Variants in MTFP1 observed in about 807,000 individuals in gnomAD.
The protein encoded by MTFP1 is mitochondrial fission process 1, also known as mitochondrial fission process protein 1.
A neutral mutation model predicts 17.1 loss-of-function variants in MTFP1; 19 were observed. That is an observed-to-expected ratio of 1.11 (90% CI 0.77 to 1.63). MTFP1 has a LOEUF of 1.63. Ranked by LOEUF, MTFP1 falls within the 40% of genes most tolerant of loss-of-function variation. The pLI, the probability that MTFP1 is intolerant of heterozygous loss-of-function variation, is 0.00. For missense variants in MTFP1, 221 were observed against 226.2 expected, an observed-to-expected ratio of 0.98 and a Z score of 0.15; for synonymous variants, 89 against 95.2, an observed-to-expected ratio of 0.93 and a Z score of 0.38.
At position 30,427,350 on chromosome 22, in the gene MTFP1, C is replaced by G; in HGVS notation, c.375C>G (p.Thr125=). The part of the protein sequence containing the change: ...TRWPLAVRKW[T]TTALGLLTIP... ...GGCCCCTGGCTGTCCGCAAGTGGAC[C>G]ACCACCGCGCTTGGGCTGTTGACCA... The change falls in exon 3 of 4, where the codon ACC becomes ACG. Residue 125 remains threonine, a synonymous_variant. Transcript: ENST00000266263. 1 of 1,614,114 alleles carries G rather than the reference C, an allele frequency of 6.2e-7. No individual in the cohort carries two copies. Among genetic ancestry groups the G allele is most frequent in the Non-Finnish European group, 8.5e-7 (1 of 1,180,034 alleles).
intron 1 of MTFP1, 135 bp downstream of exon 1, chr22:30,426,081 G>A: frequency 1.1e-6 from 1 of 908,734 alleles, no homozygotes; most frequent in Non-Finnish European, 1.6e-6. Flanking sequence ...CGGAGACTGG[G>A]CTCAGACAGG....
intron 3 of MTFP1, among the ~76,000 whole-genome samples, chr22:30,428,058 A>G (rs996446803): frequency 6.6e-6 from 1 of 152,210 alleles, no homozygotes. Context: ...TCTGGACTGC[A>G]TGCCCACCCT....
intron 3 of MTFP1, 96 bp from the exon 4 acceptor site, chr22:30,428,366 C>T: frequency 2.9e-6 from 3 of 1,020,340 alleles, no homozygotes; most frequent in Non-Finnish European, 4.4e-6. Context: ...TTGTATCCTG[C>T]ATCTAAGCGC....
intron 1 of MTFP1, among the ~76,000 whole-genome samples, 159 bp from the exon 2 acceptor site, chr22:30,426,558 G>T (rs1053468098): frequency 8.5e-5 from 13 of 152,206 alleles, no homozygotes; most frequent in Admixed American, 7.2e-4. Context: ...GGGCATCATG[G>T]CACCAGTTTA....
In MTFP1 at chr22:30,428,684, C is replaced by T. The variant is rs1934713681; in HGVS notation, c.*150C>T. The T allele has an allele frequency of 6.2e-7, 1 of 1,613,358 alleles. No homozygotes were observed. Among genetic ancestry groups the T allele is most frequent in the Non-Finnish European group, 8.5e-7 (1 of 1,179,328 alleles). ...CTGGACAGAAGCTTAGAGACAAAGG[C>T]TTCAAGAAGCAGTGGCTGCAGGGAG... On this transcript the variant is annotated 3_prime_UTR_variant, in exon 4 of 4. Transcript: ENST00000266263.
At position 30,425,852 on chromosome 22, in the gene MTFP1, T is replaced by C. The variant is rs767023378; in HGVS notation, c.-28T>C. ...ACTGCAGTGGAGCCAGTACCGGCTG[T>C]AGTGGCCGGGGCCGTGGCGGGAGAG... On this transcript the variant is annotated 5_prime_UTR_variant, in exon 1 of 4. Transcript: ENST00000266263. The C allele has an allele frequency of 6.5e-7, 1 of 1,529,940 alleles. No homozygotes were observed. The highest frequency in any genetic ancestry group is 8.8e-7 in the Non-Finnish European group (1 of 1,139,752). 94.8% of individuals were successfully genotyped at this position (1,529,940 alleles called of 1,614,324 possible).
At position 30,427,392 on chromosome 22, in the gene MTFP1, C is replaced by T. The variant is rs75687289; in HGVS notation, c.417C>T (p.His139=). ...LGLLTIPIII[H]PIDRSVDFLL... ...TGTTGACCATCCCCATCATTATCCA[C>T]CCCATTGACAGGTGGGTACCTTCTT... Residue 139 remains histidine (H), a synonymous_variant, in exon 3 of 4, where the codon CAC becomes CAT. Coordinates refer to ENST00000266263, the MANE Select transcript of MTFP1 (RefSeq NM_016498.5). 462 of 1,614,074 alleles carry T rather than the reference C, an allele frequency of 2.9e-4. 2 individuals are homozygous for T. The African/African-American group carries it at 4.9e-3, about 17-fold the overall frequency.
Position 30,427,378 on chromosome 22 carries a change from C to A in MTFP1, c.403C>A (p.Pro135Thr), listed in dbSNP as rs200787514. Residue 135 changes from proline (P) to threonine (T), a missense_variant, in exon 3 of 4, where the codon CCC becomes ACC. Physicochemically the swap from Pro to Thr is conservative, Grantham distance 38. Coordinates refer to ENST00000266263, the MANE Select transcript of MTFP1 (RefSeq NM_016498.5). Reference protein sequence around the residue: ...TTTALGLLTIPIIIHPIDRSV... With the variant: ...TTTALGLLTITIIIHPIDRSV... ...CACCGCGCTTGGGCTGTTGACCATC[C>A]CCATCATTATCCACCCCATTGACAG... The A allele has an allele frequency of 1.2e-6, 2 of 1,614,128 alleles. No homozygotes were observed. The highest frequency in any genetic ancestry group is 1.7e-5 in the Admixed American group (1 of 60,024).
In MTFP1 at chr22:30,426,841, A is replaced by G. The variant is rs762087401; in HGVS notation, c.192A>G (p.Gly64=). The change falls in exon 2 of 4, where the codon GGA becomes GGG. Residue 64 remains glycine (G), a synonymous_variant. Coordinates refer to ENST00000266263, the MANE Select transcript of MTFP1 (RefSeq NM_016498.5). ...CCATTGACAAAGGCAAGAAGGCTGGAGAGGTGAGTGTTAGCCTATTTTCCA... is the reference window on the plus strand; with the variant it reads ...CCATTGACAAAGGCAAGAAGGCTGGGGAGGTGAGTGTTAGCCTATTTTCCA... ...ADAIDKGKKA[G]EVPSPEAGRS... The G allele has an allele frequency of 9.9e-5, 159 of 1,610,080 alleles. No individual in the cohort carries two copies. The highest frequency in any genetic ancestry group is 1.2e-4 in the Non-Finnish European group (145 of 1,179,976).
At chr22:30,426,569 C>T in intron 1 of MTFP1, 148 bp from the exon 2 acceptor site, 1 of 1,065,994 alleles carries the variant, frequency 9.4e-7, no homozygotes, top group Non-Finnish European at 1.3e-6. Context: ...CACCAGTTTA[C>T]ATCTCGGAAA....
rs138525458 is a variant in MTFP1, at chr22:30,427,068, C to G, written c.196-103C>G. On this transcript the variant is annotated intron_variant, in intron 2 of 3. Coordinates refer to ENST00000266263, the MANE Select transcript of MTFP1 (RefSeq NM_016498.5). The stretch of plus-strand genomic sequence containing the variant: ...ACTGTACCCCACTCCTGGGTGCGGA[C>G]AAGTCCACTGGCCACTTGCCCCTCC... 1.7e-3 allele frequency: 2,438 copies of G among 1,420,078 alleles called. 1 individual carries two copies. The highest frequency in any genetic ancestry group is 2.0e-3 in the Non-Finnish European group (2,054 of 1,006,198). The allele number at this position is 1,420,078 out of a possible 1,614,324, so 88.0% of individuals were successfully genotyped here.
Position 30,428,612 on chromosome 22 carries a change from C to A in MTFP1, c.*78C>A. 6.2e-7 allele frequency: 1 copy of A among 1,614,174 alleles called. No individual in the cohort carries two copies. The highest frequency in any genetic ancestry group is 8.5e-7 in the Non-Finnish European group (1 of 1,180,020). ...CTACTCCTGCCAGGGAATGTGGACA[C>A]CTGGCTCCCTGGTGTCCAAAGACCC... On this transcript the variant is annotated 3_prime_UTR_variant, in exon 4 of 4. Coordinates refer to ENST00000266263, the MANE Select transcript of MTFP1 (RefSeq NM_016498.5).
chr22:30,428,892 A>ACCCAGGACC lies in MTFP1; in HGVS notation c.*365_*373dup. On this transcript the variant is annotated 3_prime_UTR_variant, in exon 4 of 4. Coordinates refer to ENST00000266263, the MANE Select transcript of MTFP1 (RefSeq NM_016498.5). Reference sequence around the variant, plus strand: ...CCCAAGATCACTTGGCAAGCTGGGCACCCAGGACCCCCAGGTGCTTGACAG... The same window carrying ACCCAGGACC: ...CCCAAGATCACTTGGCAAGCTGGGCACCCAGGACCCCCAGGACCCCCAGGTGCTTGACAG... The ACCCAGGACC allele has an allele frequency of 1.8e-6, 1 of 563,072 alleles. No homozygotes were observed. Among genetic ancestry groups the ACCCAGGACC allele is most frequent in the Admixed American group, 3.1e-5 (1 of 32,498 alleles). The allele number at this position is 563,072 out of a possible 1,614,324, so 34.9% of individuals were successfully genotyped here.
In MTFP1 at chr22:30,426,714, C is replaced by T. The variant is rs1230134862; in HGVS notation, c.68-3C>T. ...CCTAGGAATTAAATGTTCCCTCCCC[C>T]AGGCTATGCCAATGAGGTGGGCGAG... On this transcript the variant is annotated splice_region_variant and splice_polypyrimidine_tract_variant and intron_variant, in intron 1 of 3. Transcript: ENST00000266263. The T allele has an allele frequency of 2.5e-6, 4 of 1,613,888 alleles. No homozygotes were observed. The highest frequency in any genetic ancestry group is 3.4e-6 in the Non-Finnish European group (4 of 1,179,982).
At position 30,428,674 on chromosome 22, in the gene MTFP1, G is replaced by A; in HGVS notation, c.*140G>A. ...TGGGTTTGAGCTGGACAGAAGCTTA[G>A]AGACAAAGGCTTCAAGAAGCAGTGG... On this transcript the variant is annotated 3_prime_UTR_variant, in exon 4 of 4. Coordinates refer to ENST00000266263, the MANE Select transcript of MTFP1 (RefSeq NM_016498.5). The A allele has an allele frequency of 1.2e-6, 2 of 1,613,852 alleles. No individual in the cohort carries two copies. Among genetic ancestry groups the A allele is most frequent in the Non-Finnish European group, 1.7e-6 (2 of 1,179,924 alleles).
At chr22:30,427,136 GC>G in intron 2 of MTFP1, 34 bp from the exon 3 acceptor site, 1 of 1,608,574 alleles carries the variant, frequency 6.2e-7, no homozygotes, top group Non-Finnish European at 8.5e-7. Context: ...TTCTGCCTCT[GC>G]CCCAGCTGGA....
At position 30,426,794 on chromosome 22, in the gene MTFP1, A is replaced by G; in HGVS notation, c.145A>G (p.Ser49Gly). Residue 49 changes from serine to glycine, a missense_variant, in exon 2 of 4, where the codon AGC (serine) becomes GGC (glycine). Physicochemically the swap from Ser to Gly is moderately conservative, Grantham distance 56. Transcript: ENST00000266263. ...AVVWLSYGVA[S>G]SYVLADAIDK... ...GGTGTGGCTGAGCTATGGCGTGGCC[A>G]GCTCCTACGTGCTGGCGGATGCCAT... is the stretch of plus-strand genomic sequence containing the variant. 6.2e-7 allele frequency: 1 copy of G among 1,613,708 alleles called. No homozygotes were observed. The highest frequency in any genetic ancestry group is 1.3e-5 in the African/African-American group (1 of 75,042).
chr22:30,426,300 C>A (rs1186972994), intron 1 of MTFP1, among the ~76,000 whole-genome samples: 1 of 152,152 alleles, frequency 6.6e-6, no homozygotes, highest in Non-Finnish European at 1.5e-5. Flanking sequence ...AAAAAACAAA[C>A]GAGATACACA....
Position 30,425,899 on chromosome 22 carries a change from G to A in MTFP1, c.20G>A (p.Arg7Gln), listed in dbSNP as rs1227391341. 6.5e-7 allele frequency: 1 copy of A among 1,533,424 alleles called. No homozygotes were observed. Among genetic ancestry groups the A allele is most frequent in the South Asian group, 1.2e-5 (1 of 82,974 alleles). The allele number at this position is 1,533,424 out of a possible 1,614,324, so 95.0% of individuals were successfully genotyped here. The change falls in exon 1 of 4, where the codon CGG (arginine) becomes CAG (glutamine). Residue 7 changes from arginine to glutamine, a missense_variant. Coordinates refer to ENST00000266263, the MANE Select transcript of MTFP1 (RefSeq NM_016498.5). ...AGAGTCATGTCAGAGCCGCAGCCGC[G>A]GGGCGCAGAGCGCGATCTCTACCGG... MSEPQP[R>Q]GAERDLYRDT...
Sources: allele counts gnomAD v4.1 joint callset (sites outside exome capture counted in the v4.1 genomes callset), GRCh38; gene constraint gnomAD v4.1.1; transcripts MANE v1.5; gene names NCBI Gene and HGNC (gene_info 2026-07-23, HGNC 2026-07-21).